Variants in PCNX4 observed in about 807,000 individuals in gnomAD.
The protein encoded by PCNX4 is pecanex-like protein 4.
A neutral mutation model predicts 107.2 loss-of-function variants in PCNX4; 103 were observed. That is an observed-to-expected ratio of 0.96 (90% CI 0.82 to 1.13). PCNX4 has a LOEUF of 1.13. PCNX4 is among the 50% of genes most tolerant of loss of function. The probability of loss-of-function intolerance (pLI) is 0.00; values close to 1 mark genes in which losing one functional copy is unlikely to be tolerated. For missense variants in PCNX4, 1,528 were observed against 1,379.4 expected (o/e 1.11, Z -1.71); for synonymous variants, 541 against 481.7 (o/e 1.12, Z -1.61).
rs1285636130 is a variant in PCNX4 at position 60,115,822 on chromosome 14, AATCCTAAT to A, written c.1458+6_1458+13del. On this transcript the variant is annotated splice_donor_5th_base_variant and intron_variant, in intron 5 of 10. Transcript: ENST00000406854. ...GATTCACAAGAGCCTTTAGAATGGT[AATCCTAAT>A]ATGTGTTTAATAGTATTTTCCTATT... is the stretch of plus-strand genomic sequence containing the variant. The A allele has an allele frequency of 6.2e-7, 1 of 1,607,086 alleles. No homozygotes were observed. The highest frequency in any genetic ancestry group is 1.1e-5 in the South Asian group (1 of 90,730).
At chr14:60,092,957 T>A (rs1351435720) in intron 1 of PCNX4, among the ~76,000 whole-genome samples, 1 of 152,218 alleles carries the variant, frequency 6.6e-6, no homozygotes, top group East Asian at 1.9e-4. Flanking sequence ...TTTTTTACTA[T>A]TTTTAGGTGT....
intron 1 of PCNX4, among the ~76,000 whole-genome samples, chr14:60,104,378 G>C (rs537488157): frequency 1.3e-5 from 2 of 148,432 alleles, no homozygotes; most frequent in East Asian, 2.0e-4. Context: ...CCCAGCTTCC[G>C]TTTAAGACAG....
chr14:60,125,320 C>T, intron 9 of PCNX4, 69 bp downstream of exon 9: 1 of 1,350,794 alleles, frequency 7.4e-7, no homozygotes, highest in South Asian at 1.7e-5. Context: ...AAATCACGTA[C>T]AAGAAGACAG....
intron 10 of PCNX4, among the ~76,000 whole-genome samples, chr14:60,128,891 GAAGA>G (rs1192185966): frequency 6.6e-6 from 1 of 152,088 alleles, no homozygotes; most frequent in Non-Finnish European, 1.5e-5. Flanking sequence ...GAATCTACAG[GAAGA>G]AAGAGAAATA....
chr14:60,134,142 A>C lies in PCNX4; in HGVS notation c.3440A>C (p.Asn1147Thr). Residue 1147 changes from asparagine (N) to threonine (T), a missense_variant, in exon 11 of 11, where the codon AAT becomes ACT. Coordinates refer to ENST00000406854, the MANE Select transcript of PCNX4 (RefSeq NM_001330177.2). ...SIQAHPLLLRNLTVQAAEPPL... is the reference protein window; with the variant it reads ...SIQAHPLLLRTLTVQAAEPPL... ...CAAGCTCATCCACTACTTTTAAGAA[A>C]TCTTACGGTACAAGCAGCAGAACCT... The C allele has an allele frequency of 1.9e-6, 3 of 1,613,884 alleles. No individual in the cohort carries two copies. The highest frequency in any genetic ancestry group is 2.5e-6 in the Non-Finnish European group (3 of 1,179,780).
chr14:60,101,145 T>G (rs1895523765), intron 1 of PCNX4, among the ~76,000 whole-genome samples: 1 of 152,218 alleles, frequency 6.6e-6, no homozygotes, highest in Middle Eastern at 3.2e-3. Flanking sequence ...ATGTTTAAAT[T>G]TACCTATAGT....
In PCNX4 at chr14:60,116,064, A is replaced by G; in HGVS notation, c.1578+4A>G. 3 of 1,596,956 alleles carry G rather than the reference A, an allele frequency of 1.9e-6. No individual in the cohort carries two copies. The highest frequency in any genetic ancestry group is 2.6e-6 in the Non-Finnish European group (3 of 1,173,096). On this transcript the variant is annotated splice_donor_region_variant and intron_variant, in intron 6 of 10. Coordinates refer to ENST00000406854, the MANE Select transcript of PCNX4 (RefSeq NM_001330177.2). ...TACAGGACTCAGACTCTTACTGGTA[A>G]GTGTGTCTTTTAACAGCTTTACTGA...
At chr14:60,100,620 A>G (rs1298018640) in intron 1 of PCNX4, among the ~76,000 whole-genome samples, 1 of 152,166 alleles carries the variant, frequency 6.6e-6, no homozygotes, top group Admixed American at 6.5e-5. Flanking sequence ...CTTAAACCAT[A>G]TTCATGAAAC....
chr14:60,132,064 C>T (rs1346970995), intron 10 of PCNX4, among the ~76,000 whole-genome samples: 1 of 152,144 alleles, frequency 6.6e-6, no homozygotes, highest in Non-Finnish European at 1.5e-5. Flanking sequence ...GAAATTTATT[C>T]TCTCATAGTT....
At chr14:60,104,937 C>T (rs1052848182) in intron 1 of PCNX4, among the ~76,000 whole-genome samples, 18 of 152,144 alleles carry the variant, frequency 1.2e-4, no homozygotes, top group African/African-American at 2.9e-4. Flanking sequence ...TATACTAATA[C>T]GTGTTACAAG....
intron 10 of PCNX4, among the ~76,000 whole-genome samples, chr14:60,133,235 A>G (rs1487639640): frequency 1.3e-5 from 2 of 152,250 alleles, no homozygotes; most frequent in East Asian, 1.9e-4. Context: ...TTATATCCAT[A>G]TGATGGAATA....
At chr14:60,104,318 CAAAA>C (rs200434027) in intron 1 of PCNX4, among the ~76,000 whole-genome samples, 1 of 129,556 alleles carries the variant, frequency 7.7e-6, no homozygotes, top group African/African-American at 3.5e-5. Flanking sequence ...GACTCCATCT[CAAAA>C]AAAAAAAAAA....
chr14:60,102,969 A>G (rs564872927), intron 1 of PCNX4, among the ~76,000 whole-genome samples: 2 of 152,330 alleles, frequency 1.3e-5, no homozygotes, highest in Non-Finnish European at 1.5e-5. Flanking sequence ...TTAAATGTCA[A>G]AGGTTACCAG....
In PCNX4 at chr14:60,141,073, G is replaced by A. The variant is rs1896301149; in HGVS notation, c.*6852G>A. ...TCCTCTTCCCTTCCTGAAAGAGTCT[G>A]CTTTTACTCTATTCTTGTGGTAGAC... On this transcript the variant is annotated 3_prime_UTR_variant, in exon 11 of 11. Coordinates refer to ENST00000406854, the MANE Select transcript of PCNX4 (RefSeq NM_001330177.2). 6.6e-6 allele frequency: 1 copy of A among 152,224 alleles called. No individual in the cohort carries two copies. Among genetic ancestry groups the A allele is most frequent in the African/African-American group, 2.4e-5 (1 of 41,450 alleles). The allele number at this position is 152,224 out of a possible 1,614,324, so 9.4% of individuals were successfully genotyped here. A position where few individuals can be genotyped will look rare whatever the true frequency, so the allele number is the denominator to read the frequency against.
rs562315792 is a variant in PCNX4 at position 60,115,443 on chromosome 14, C to A, written c.1339C>A (p.Arg447=). 2 of 1,527,114 alleles carry A rather than the reference C, an allele frequency of 1.3e-6. No individual in the cohort carries two copies. The highest frequency in any genetic ancestry group is 1.8e-6 in the Non-Finnish European group (2 of 1,142,352). 94.6% of individuals were successfully genotyped at this position (1,527,114 alleles called of 1,614,324 possible). Residue 447 remains arginine, a synonymous_variant, in exon 4 of 11, where the codon CGG becomes AGG. Coordinates refer to ENST00000406854, the MANE Select transcript of PCNX4 (RefSeq NM_001330177.2). ...TRLMKIGIVR[R]ILLTLVSPFA... is the part of the protein sequence containing the mutation. ...GCTCATGAAGATTGGTATTGTCAGA[C>A]GGATTTTGCTAACTTTAGGTAGGAA...
intron 1 of PCNX4, among the ~76,000 whole-genome samples, chr14:60,106,626 A>G (rs1895634772): frequency 6.6e-6 from 1 of 152,206 alleles, no homozygotes; most frequent in East Asian, 1.9e-4. Flanking sequence ...AGGTATAACA[A>G]AGAGGTGATC....
chr14:60,127,799 A>T (rs1032312496), intron 10 of PCNX4, among the ~76,000 whole-genome samples: 1 of 152,254 alleles, frequency 6.6e-6, no homozygotes, highest in African/African-American at 2.4e-5. Context: ...GAGGGAACAG[A>T]TGTCAGATTT....
rs558823719 is a variant in PCNX4, at chr14:60,143,884, G to C, written c.*9663G>C. ...CTATTAGTGCCTGTGCATGTTTTCT[G>C]CTGTAAGGTGTTAAATGTTAAAGTA... On this transcript the variant is annotated 3_prime_UTR_variant, in exon 11 of 11. Transcript: ENST00000406854. 4 of 152,296 alleles carry C rather than the reference G, an allele frequency of 2.6e-5. No individual in the cohort carries two copies. Among genetic ancestry groups the C allele is most frequent in the Admixed American group, 2.6e-4 (4 of 15,296 alleles). 9.4% of individuals were successfully genotyped at this position (152,296 alleles called of 1,614,324 possible).
chr14:60,120,690 G>T (rs1386474595), intron 7 of PCNX4, among the ~76,000 whole-genome samples: 1 of 152,148 alleles, frequency 6.6e-6, no homozygotes, highest in South Asian at 2.1e-4. Context: ...AATTTTAGCT[G>T]TTTGCCATAG....
Sources: gnomAD v4.1 joint callset for allele counts (sites outside exome capture counted in the v4.1 genomes callset) on GRCh38, gnomAD v4.1.1 for gene constraint, MANE v1.5 for transcripts, NCBI Gene and HGNC (gene_info 2026-07-23, HGNC 2026-07-21) for gene names.